The following ARHGAP6 variants were observed in gnomAD, a reference collection of about 807,000 sequenced individuals.
ARHGAP6 encodes rho GTPase-activating protein 6.
A neutral mutation model predicts 55.7 loss-of-function variants in ARHGAP6; 16 were observed. The ratio of observed to expected loss-of-function variants is 0.29; its 90% confidence interval spans 0.19 to 0.44. ARHGAP6 has a LOEUF of 0.44. ARHGAP6 is among the 20% of genes least tolerant of loss of function. ARHGAP6 has a pLI of 1.00. For synonymous variants in ARHGAP6, 382 were observed against 360.9 expected, an observed-to-expected ratio of 1.06 and a Z score of -0.66; for missense variants, 698 against 808.9, an observed-to-expected ratio of 0.86 and a Z score of 1.66.
intron 1 of ARHGAP6, chrX:11,296,874 C>T: frequency 8.6e-7 from 1 of 1,157,881 alleles, no homozygotes; most frequent in Non-Finnish European, 1.2e-6. Flanking sequence ...GTTAACAATG[C>T]CCTGGGCTCT....
intron 1 of ARHGAP6, among the ~76,000 whole-genome samples, chrX:11,408,712 T>C (rs1456094451): frequency 1.8e-5 from 2 of 110,027 alleles, no homozygotes; most frequent in Admixed American, 1.9e-4. Flanking sequence ...GAAGCAGATT[T>C]AAAGGCAGTA....
intron 1 of ARHGAP6, among the ~76,000 whole-genome samples, chrX:11,462,609 A>G (rs1293183117): frequency 1.8e-5 from 2 of 112,375 alleles, no homozygotes; most frequent in East Asian, 5.5e-4. Flanking sequence ...TTCACTCCAA[A>G]TCGATTAATT....
intron 9 of ARHGAP6, among the ~76,000 whole-genome samples, chrX:11,157,930 G>A (rs891614526): frequency 1.8e-5 from 2 of 111,948 alleles, no homozygotes; most frequent in Admixed American, 1.9e-4. Flanking sequence ...TTGTACTAAA[G>A]CTTCTCTGCA....
rs56408947 is a variant in ARHGAP6, at chrX:11,266,033, C to CTGTG, written c.589-11330_589-11327dup. The CTGTG allele has an allele frequency of 4.6e-3, 775 of 168,296 alleles. 5 individuals are homozygous for CTGTG. Among genetic ancestry groups the CTGTG allele is most frequent in the African/African-American group, 0.019 (295 of 15,384 alleles). 13.9% of individuals were successfully genotyped at this position (168,296 alleles called of 1,213,427 possible). ...TGCGTGTGTTTGTATGCGTGTGTGCCTGTGTGTGTGTGTGTGTGTGTGTGT... is the reference window on the plus strand; with the variant it reads ...TGCGTGTGTTTGTATGCGTGTGTGCCTGTGTGTGTGTGTGTGTGTGTGTGTGTGT... On this transcript the variant is annotated intron_variant, in intron 1 of 12. Transcript: ENST00000337414.
chrX:11,592,962 G>A (rs181009659), intron 1 of ARHGAP6, among the ~76,000 whole-genome samples: 2 of 111,595 alleles, frequency 1.8e-5, no homozygotes, highest in Admixed American at 1.9e-4. Flanking sequence ...GACCCCAGAA[G>A]TAATGTCTCT....
chrX:11,479,350 G>A (rs1259592176), intron 1 of ARHGAP6, among the ~76,000 whole-genome samples: 3 of 112,204 alleles, frequency 2.7e-5, no homozygotes, highest in African/African-American at 9.7e-5. Flanking sequence ...TCAGAACACA[G>A]CTCCAAAGAG....
chrX:11,256,337 C>T (rs1325792279), intron 1 of ARHGAP6, among the ~76,000 whole-genome samples: 1 of 111,742 alleles, frequency 8.9e-6, no homozygotes, highest in Non-Finnish European at 1.9e-5. Flanking sequence ...TGCAGTGAGC[C>T]AAGATCACAC....
intron 1 of ARHGAP6, among the ~76,000 whole-genome samples, chrX:11,411,704 A>G (rs1230012152): frequency 9.0e-6 from 1 of 111,615 alleles, no homozygotes; most frequent in African/African-American, 3.3e-5. Flanking sequence ...AGGAAAAAAT[A>G]TATATATACC....
At chrX:11,623,991 A>G (rs939428866) in intron 1 of ARHGAP6, among the ~76,000 whole-genome samples, 7 of 111,627 alleles carry the variant, frequency 6.3e-5, no homozygotes, top group African/African-American at 2.3e-4. Flanking sequence ...TTGCAAAGCT[A>G]TAGCAACCAA....
chrX:11,458,601 G>T (rs2050215671), intron 1 of ARHGAP6, among the ~76,000 whole-genome samples: 1 of 112,124 alleles, frequency 8.9e-6, no homozygotes, highest in African/African-American at 3.2e-5. Context: ...TTTATCAAAA[G>T]GTAGTGATAA....
At chrX:11,411,367 C>T (rs1343386654) in intron 1 of ARHGAP6, among the ~76,000 whole-genome samples, 1 of 105,422 alleles carries the variant, frequency 9.5e-6, no homozygotes, top group Non-Finnish European at 1.9e-5. Flanking sequence ...ATAATTGATA[C>T]AGCATAAAAT....
intron 1 of ARHGAP6, among the ~76,000 whole-genome samples, chrX:11,463,262 A>C (rs533348912): frequency 9.0e-6 from 1 of 111,682 alleles, no homozygotes; most frequent in South Asian, 3.8e-4. Flanking sequence ...GAGAGGGAGG[A>C]TGGAGGGAAA....
At chrX:11,560,066 A>T (rs1214915895) in intron 1 of ARHGAP6, among the ~76,000 whole-genome samples, 1 of 110,852 alleles carries the variant, frequency 9.0e-6, no homozygotes, top group Non-Finnish European at 1.9e-5. Flanking sequence ...ATGCTAAAAA[A>T]ATAATAATAG....
intron 1 of ARHGAP6, among the ~76,000 whole-genome samples, chrX:11,639,879 A>C (rs1472164051): frequency 1.8e-5 from 2 of 111,258 alleles, no homozygotes; most frequent in Non-Finnish European, 3.8e-5. Context: ...TTGGATTTTT[A>C]AAAGTAGATC....
At position 11,590,856 on chromosome X, in the gene ARHGAP6, GAAAAGA is replaced by G. The variant is rs1220470859; in HGVS notation, c.588+73379_588+73384del. Among the ~76,000 whole-genome samples, 67 of 24,378 alleles carry G rather than the reference GAAAAGA, an allele frequency of 2.7e-3. 15 individuals carry two copies. Among genetic ancestry groups the G allele is most frequent in the African/African-American group, 0.017 (64 of 3,723 alleles). The allele number at this position is 24,378 out of a possible 115,157, so 21.2% of individuals were successfully genotyped here. A position where few individuals can be genotyped will look rare whatever the true frequency, so the allele number is the denominator to read the frequency against. ...GAAAAGAAAAGAAAAGAAAAGAAAA[GAAAAGA>G]AAAGAAGGAAAGAAAGAAAGAAAGA... On this transcript the variant is annotated intron_variant, in intron 1 of 12. Transcript: ENST00000337414.
In ARHGAP6 at chrX:11,522,530, G is replaced by A. The variant is rs1199459293; in HGVS notation, c.588+141711C>T. ...GAAAAGAGAGAAGAATCAAATAGAC[G>A]CAATAAAAAATGATAAAGGGGATAT... On this transcript the variant is annotated intron_variant, in intron 1 of 12. Transcript: ENST00000337414. 5.5e-5 allele frequency among the ~76,000 whole-genome samples: 6 copies of A among 110,060 alleles called. No individual in the cohort carries two copies. In the South Asian group the frequency reaches 1.2e-3, roughly 21 times the overall value.
At chrX:11,347,072 A>G (rs756344705) in intron 1 of ARHGAP6, among the ~76,000 whole-genome samples, 1 of 112,551 alleles carries the variant, frequency 8.9e-6, no homozygotes, top group South Asian at 3.7e-4. Context: ...TCCTAGAGTA[A>G]GACTATTTTA....
chrX:11,517,204 T>G (rs2050850972), intron 1 of ARHGAP6, among the ~76,000 whole-genome samples: 1 of 111,846 alleles, frequency 8.9e-6, no homozygotes, highest in Non-Finnish European at 1.9e-5. Flanking sequence ...GGCATGACCT[T>G]CTTGGCAGAG....
chrX:11,611,521 C>CTTA (rs1039730197), intron 1 of ARHGAP6, among the ~76,000 whole-genome samples: 7 of 111,680 alleles, frequency 6.3e-5, no homozygotes, highest in African/African-American at 2.3e-4. Context: ...GTTGCTAAAG[C>CTTA]TTATCTTTCC....
Sources: gnomAD v4.1 joint callset for allele counts (sites outside exome capture counted in the v4.1 genomes callset) on GRCh38, gnomAD v4.1.1 for gene constraint, MANE v1.5 for transcripts, NCBI Gene and HGNC (gene_info 2026-07-23, HGNC 2026-07-21) for gene names.